Variants in AKAP11 observed in about 807,000 individuals in gnomAD.
AKAP11 encodes A-kinase anchor protein 11.
Under a neutral mutation model 146.1 loss-of-function variants are expected in AKAP11, and 36 were observed. That is an observed-to-expected ratio of 0.25 (90% CI 0.19 to 0.33). The LOEUF (loss-of-function observed/expected upper bound fraction) is 0.33, where lower values mean the gene tolerates loss of function less well. Among genes scored for constraint, AKAP11 ranks in the 10% least tolerant of loss-of-function variants. The pLI is 1.00. For missense variants in AKAP11, 2,201 were observed against 2,197.0 expected (o/e 1.00, Z -0.04); for synonymous variants, 780 against 786.5 (o/e 0.99, Z 0.14).
chr13:42,309,411 A>T (rs1377300469), intron 9 of AKAP11, among the ~76,000 whole-genome samples: 1 of 152,166 alleles, frequency 6.6e-6, no homozygotes, highest in East Asian at 1.9e-4. Flanking sequence ...TGTGGAAAGG[A>T]CCTGTGGACC....
At chr13:42,274,328 GC>G (rs1374831878) in intron 1 of AKAP11, among the ~76,000 whole-genome samples, 2 of 151,980 alleles carry the variant, frequency 1.3e-5, no homozygotes, top group African/African-American at 4.8e-5. Context: ...TTTAAAAACA[GC>G]CTGGAAAGAT....
chr13:42,314,319 C>T (rs554829536), intron 11 of AKAP11, among the ~76,000 whole-genome samples: 7 of 151,942 alleles, frequency 4.6e-5, no homozygotes, highest in Admixed American at 4.6e-4. Flanking sequence ...GTGGCGGGCA[C>T]CTGTAATCCC....
intron 1 of AKAP11, among the ~76,000 whole-genome samples, chr13:42,273,851 T>G (rs1361181528): frequency 2.6e-5 from 4 of 152,204 alleles, no homozygotes; most frequent in Non-Finnish European, 5.9e-5. Context: ...CAAACCAATT[T>G]GGACAATATA....
chr13:42,301,895 T>G lies in AKAP11; in HGVS notation c.3149T>G (p.Leu1050Trp), dbSNP rs766429943. Reference sequence around the variant, plus strand: ...GATCAACCACTGAAAAAGCATAACTTGAATAGTACATCACTTGAGGCCTTG... The same window carrying G: ...GATCAACCACTGAAAAAGCATAACTGGAATAGTACATCACTTGAGGCCTTG... ...AKDQPLKKHN[L>W]NSTSLEALSF... Residue 1050 changes from leucine to tryptophan, a missense_variant, in exon 8 of 13, where the codon TTG (leucine) becomes TGG (tryptophan). Coordinates refer to ENST00000025301, the MANE Select transcript of AKAP11 (RefSeq NM_016248.4). 3.1e-6 allele frequency: 5 copies of G among 1,614,148 alleles called. No individual in the cohort carries two copies. In the South Asian group the frequency reaches 4.4e-5, roughly 14 times the overall value.
intron 3 of AKAP11, among the ~76,000 whole-genome samples, 179 bp downstream of exon 3, chr13:42,286,578 G>A (rs2138479105): frequency 6.6e-6 from 1 of 152,218 alleles, no homozygotes; most frequent in South Asian, 2.1e-4. Flanking sequence ...TGATTACAGT[G>A]ATTTTATTTC....
intron 9 of AKAP11, among the ~76,000 whole-genome samples, chr13:42,309,960 T>C (rs1960471650): frequency 6.6e-6 from 1 of 152,202 alleles, no homozygotes. Context: ...AGGAGTCGTC[T>C]TACCGGTTTC....
intron 1 of AKAP11, among the ~76,000 whole-genome samples, chr13:42,285,647 G>A (rs1314420411): frequency 1.3e-5 from 2 of 152,202 alleles, no homozygotes; most frequent in Non-Finnish European, 2.9e-5. Flanking sequence ...AGATGTTAAA[G>A]CATCTTTAAA....
At chr13:42,288,849 C>CTTGTAT (rs1339930432) in intron 3 of AKAP11, among the ~76,000 whole-genome samples, 2 of 152,054 alleles carry the variant, frequency 1.3e-5, no homozygotes, top group African/African-American at 4.8e-5. Context: ...GATCCTCTCC[C>CTTGTAT]TTGTATATTT....
intron 8 of AKAP11, among the ~76,000 whole-genome samples, chr13:42,305,617 G>A (rs1960214872): frequency 6.6e-6 from 1 of 152,102 alleles, no homozygotes; most frequent in Non-Finnish European, 1.5e-5. Flanking sequence ...GTTTTATTGG[G>A]ACACCACCAT....
At position 42,299,746 on chromosome 13, in the gene AKAP11, G is replaced by C; in HGVS notation, c.1000G>C (p.Glu334Gln). The C allele has an allele frequency of 1.2e-6, 2 of 1,613,888 alleles. No individual in the cohort carries two copies. The highest frequency in any genetic ancestry group is 1.7e-6 in the Non-Finnish European group (2 of 1,179,882). The change falls in exon 8 of 13, where the codon GAG becomes CAG. Residue 334 changes from glutamate to glutamine, a missense_variant. Coordinates refer to ENST00000025301, the MANE Select transcript of AKAP11 (RefSeq NM_016248.4). Reference sequence around the variant, plus strand: ...TCAAAAAAGCTTAAAAGCAAAACTTGAGCTGCCTAAAATTCCTGTGATGAA... The same window carrying C: ...TCAAAAAAGCTTAAAAGCAAAACTTCAGCTGCCTAAAATTCCTGTGATGAA... ...GYQKSLKAKL[E>Q]LPKIPVMKDD...
chr13:42,300,836 T>C lies in AKAP11; in HGVS notation c.2090T>C (p.Val697Ala), dbSNP rs1959838410. ...TATGCAAAAGATTTGTCTGAATCTG[T>C]AATACAGGAAGCATTCATTGAGCTA... ...KLYAKDLSESVIQEAFIELSQ... is the reference protein window; with the variant it reads ...KLYAKDLSESAIQEAFIELSQ... The change falls in exon 8 of 13, where the codon GTA becomes GCA. Residue 697 changes from valine to alanine, a missense_variant. Physicochemically the swap from Val to Ala is moderately conservative, Grantham distance 64. Transcript: ENST00000025301. The C allele has an allele frequency of 6.2e-7, 1 of 1,614,160 alleles. No homozygotes were observed. The highest frequency in any genetic ancestry group is 2.2e-5 in the East Asian group (1 of 44,886).
chr13:42,317,105 TG>T (rs1376014826), intron 11 of AKAP11, among the ~76,000 whole-genome samples: 1 of 152,182 alleles, frequency 6.6e-6, no homozygotes, highest in Non-Finnish European at 1.5e-5. Flanking sequence ...CTCGAACTCT[TG>T]GCCTCAAGCG....
rs61755975 is a variant in AKAP11, at chr13:42,302,697, G to A, written c.3951G>A (p.Pro1317=). Residue 1317 remains proline (P), a synonymous_variant, in exon 8 of 13, where the codon CCG becomes CCA. Transcript: ENST00000025301. ...EAVVHPREVD[P]FILSLPPSSC... The stretch of plus-strand genomic sequence containing the variant: ...TAGTGCACCCAAGAGAAGTGGATCC[G>A]TTTATTCTTTCATTACCACCAAGTT... 2,494 of 1,614,088 alleles carry A rather than the reference G, an allele frequency of 1.5e-3. 19 individuals are homozygous for A. The Middle Eastern group carries it at 0.035, about 23-fold the overall frequency.
intron 1 of AKAP11, among the ~76,000 whole-genome samples, chr13:42,276,370 C>G (rs1461148972): frequency 6.6e-6 from 1 of 152,128 alleles, no homozygotes; most frequent in Non-Finnish European, 1.5e-5. Flanking sequence ...TCTCAGCTTC[C>G]CGAGTAGCTG....
At chr13:42,281,065 T>C (rs1450471790) in intron 1 of AKAP11, among the ~76,000 whole-genome samples, 1 of 152,160 alleles carries the variant, frequency 6.6e-6, no homozygotes, top group Non-Finnish European at 1.5e-5. Context: ...AAGTGTCTAA[T>C]AGGAAATTAG....
At chr13:42,296,823 A>G (rs2138556470) in intron 5 of AKAP11, among the ~76,000 whole-genome samples, 1 of 152,140 alleles carries the variant, frequency 6.6e-6, no homozygotes, top group East Asian at 1.9e-4. Flanking sequence ...ATATCAGTAC[A>G]TTTTAAAGGC....
chr13:42,295,120 T>C (rs1959428989), intron 4 of AKAP11, among the ~76,000 whole-genome samples: 1 of 152,118 alleles, frequency 6.6e-6, no homozygotes, highest in Non-Finnish European at 1.5e-5. Flanking sequence ...GGGGAAGGCC[T>C]CTCTGAGGAG....
In AKAP11 at chr13:42,300,091, C is replaced by T; in HGVS notation, c.1345C>T (p.Pro449Ser). 1.2e-6 allele frequency: 2 copies of T among 1,613,878 alleles called. No individual in the cohort carries two copies. The highest frequency in any genetic ancestry group is 1.7e-6 in the Non-Finnish European group (2 of 1,179,830). The change falls in exon 8 of 13, where the codon CCT (proline) becomes TCT (serine). Residue 449 changes from proline (P) to serine (S), a missense_variant. Pro to Ser is a moderately conservative substitution (Grantham distance 74, BLOSUM62 -1). This residue lies in a region of AKAP11 where 1,867 missense variants were observed against 1,833.5 expected (regional missense o/e 1.02). Coordinates refer to ENST00000025301, the MANE Select transcript of AKAP11 (RefSeq NM_016248.4). Reference sequence around the variant, plus strand: ...AAGGGAAGATAGTGGTTTATTTAGTCCTATTCGATCCTCTGCTTTTAGTCC... The same window carrying T: ...AAGGGAAGATAGTGGTTTATTTAGTTCTATTCGATCCTCTGCTTTTAGTCC... ...ASREDSGLFS[P>S]IRSSAFSPLG...
intron 11 of AKAP11, among the ~76,000 whole-genome samples, chr13:42,316,884 G>C (rs1395852775): frequency 6.6e-6 from 1 of 152,064 alleles, no homozygotes; most frequent in Non-Finnish European, 1.5e-5. Context: ...TTTTTTTGTG[G>C]GGTTTTGTTT....
Sources: gnomAD v4.1 joint callset for allele counts (sites outside exome capture counted in the v4.1 genomes callset) on GRCh38, gnomAD v4.1.1 for gene constraint, gnomAD v4.1.1 regional missense constraint, MANE v1.5 for transcripts, NCBI Gene and HGNC (gene_info 2026-07-23, HGNC 2026-07-21) for gene names.